The following NEB variants were observed in gnomAD, a reference collection of about 807,000 sequenced individuals.
NEB encodes the protein nebulin.
A neutral mutation model predicts 952.2 loss-of-function variants in NEB; 512 were observed. That is an observed-to-expected ratio of 0.54 (90% CI 0.50 to 0.58). The LOEUF (loss-of-function observed/expected upper bound fraction) is 0.58, where lower values mean the gene tolerates loss of function less well. NEB is among the 20% of genes least tolerant of loss of function. The pLI, the probability that NEB is intolerant of heterozygous loss-of-function variation, is 0.00. For synonymous variants in NEB, 2,900 were observed against 3,149.8 expected (o/e 0.92, Z 2.66); for missense variants, 8,428 against 9,231.1 (o/e 0.91, Z 3.56).
intron 159 of NEB, 96 bp from the exon 160 acceptor site, chr2:151,513,789 C>T: frequency 1.2e-6 from 1 of 824,540 alleles, no homozygotes; most frequent in Non-Finnish European, 2.0e-6. Flanking sequence ...ACACGCCACC[C>T]CAGTTGTCAC....
intron 161 of NEB, among the ~76,000 whole-genome samples, chr2:151,508,503 G>A (rs940176246): frequency 6.6e-6 from 1 of 152,214 alleles, no homozygotes; most frequent in African/African-American, 2.4e-5. Context: ...ACAGGCAGGC[G>A]GAGAGAAGCT....
chr2:151,627,383 AG>A (rs1290631978), intron 69 of NEB, 139 bp downstream of exon 69: 2 of 1,430,508 alleles, frequency 1.4e-6, no homozygotes, highest in African/African-American at 2.9e-5. Flanking sequence ...AAAAAAAGTA[AG>A]GGGAAGAGTT....
At chr2:151,710,341 G>A in intron 11 of NEB, 93 bp downstream of exon 11, 1 of 741,150 alleles carries the variant, frequency 1.3e-6, no homozygotes, top group Non-Finnish European at 2.2e-6. Context: ...CAAGTGTTCT[G>A]GCACCCATTC....
rs142074817 is a variant in NEB, at chr2:151,666,141, G to C, written c.4980C>G (p.Pro1660=). 20 of 1,613,724 alleles carry C rather than the reference G, an allele frequency of 1.2e-5. No homozygotes were observed. The East Asian group carries it at 3.1e-4, about 25-fold the overall frequency. Residue 1660 remains proline (P), a synonymous_variant, in exon 41 of 182, where the codon CCC becomes CCG. Transcript: ENST00000397345. ...RQSYHHYTLL[P]DALNVEHSRN... Reference sequence around the variant, plus strand: ...TGGAGTGCTCCACATTCAAGGCATCGGGCAGGAGAGTGTAGTGGTGGTATG... The same window carrying C: ...TGGAGTGCTCCACATTCAAGGCATCCGGCAGGAGAGTGTAGTGGTGGTATG...
At position 151,629,594 on chromosome 2, in the gene NEB, C is replaced by T. The variant is rs200930670; in HGVS notation, c.9776G>A (p.Arg3259Gln). The T allele has an allele frequency of 3.2e-5, 52 of 1,613,742 alleles. 1 individual carries two copies. In the African/African-American group the frequency reaches 4.4e-4, roughly 14 times the overall value. The change falls in exon 68 of 182, where the codon CGA (arginine) becomes CAA (glutamine). Residue 3259 changes from arginine to glutamine, a missense_variant. Arg to Gln is a conservative substitution (Grantham distance 43, BLOSUM62 1). Coordinates refer to ENST00000397345, the MANE Select transcript of NEB (RefSeq NM_001164508.2). Reference sequence around the variant, plus strand: ...AGCCACGATGGGGATGGCGTCACTTCGCAAGTCGTAGCCTTTCTTTTTTGC... The same window carrying T: ...AGCCACGATGGGGATGGCGTCACTTTGCAAGTCGTAGCCTTTCTTTTTTGC... ...EEAKKKGYDL[R>Q]SDAIPIVAAK...
chr2:151,672,541 T>C lies in NEB; in HGVS notation c.4127A>G (p.Asn1376Ser), dbSNP rs1309733626. The change falls in exon 37 of 182, where the codon AAC becomes AGC. Residue 1376 changes from asparagine to serine, a missense_variant. Transcript: ENST00000397345. ...AGGGGTATGGTAGCTGGTTTTGGTG[T>C]TCTCATAGTTCTTCTTGTATTCACG... ...SDREYKKNYENTKTSYHTPGD... is the reference protein window; with the variant it reads ...SDREYKKNYESTKTSYHTPGD... 14 of 1,613,866 alleles carry C rather than the reference T, an allele frequency of 8.7e-6. No individual in the cohort carries two copies. Among genetic ancestry groups the C allele is most frequent in the Non-Finnish European group, 1.2e-5 (14 of 1,179,876 alleles).
chr2:151,570,045 G>A (rs1670419324), intron 109 of NEB, 36 bp downstream of exon 109: 4 of 1,564,944 alleles, frequency 2.6e-6, no homozygotes, highest in South Asian at 1.2e-5. Context: ...ATGGCAAACT[G>A]AGAAAAGAGT....
In NEB at chr2:151,665,220, G is replaced by A. The variant is rs115606881; in HGVS notation, c.5238+113C>T. The stretch of plus-strand genomic sequence containing the variant: ...GCAATAGAGTCCCCCTCCCACCACC[G>A]GCACGAAGACGATCAGAAAGAAACA... On this transcript the variant is annotated intron_variant, in intron 42 of 181. Transcript: ENST00000397345. The A allele has an allele frequency of 7.0e-3, 6,878 of 988,060 alleles. 31 individuals carry two copies. The highest frequency in any genetic ancestry group is 8.8e-3 in the Non-Finnish European group (5,818 of 661,654). The allele number at this position is 988,060 out of a possible 1,614,324, so 61.2% of individuals were successfully genotyped here. A position where few individuals can be genotyped will look rare whatever the true frequency, so the allele number is the denominator to read the frequency against.
At chr2:151,561,184 G>A in intron 122 of NEB, 24 bp downstream of exon 122, 2 of 1,585,906 alleles carry the variant, frequency 1.3e-6, no homozygotes, top group Middle Eastern at 1.7e-4. Flanking sequence ...TTTGTCCCTG[G>A]AAGAGGAGTA....
chr2:151,548,537 T>C (rs762642160), intron 130 of NEB, 122 bp from the exon 131 acceptor site: 46 of 659,838 alleles, frequency 7.0e-5, no homozygotes, highest in Non-Finnish European at 1.0e-4. Context: ...GGATTAAGTA[T>C]GTAGAAAAGT....
intron 181 of NEB, among the ~76,000 whole-genome samples, chr2:151,488,349 A>G (rs573487443): frequency 3.8e-4 from 58 of 151,934 alleles, no homozygotes; most frequent in Non-Finnish European, 7.5e-4. Context: ...TCCCCTTTAT[A>G]TTTTAAAATA....
chr2:151,524,723 G>A, intron 151 of NEB, 107 bp from the exon 152 acceptor site: 1 of 882,098 alleles, frequency 1.1e-6, no homozygotes, highest in Non-Finnish European at 1.7e-6. Context: ...CTTGAGTGCA[G>A]TGGTACAATC....
intron 48 of NEB, 112 bp downstream of exon 48, chr2:151,657,871 G>A: frequency 1.3e-6 from 1 of 765,764 alleles, no homozygotes; most frequent in Non-Finnish European, 2.2e-6. Flanking sequence ...TTCACAGAGA[G>A]TGAGACCCAC....
chr2:151,637,616 C>G (rs577322365), intron 63 of NEB, among the ~76,000 whole-genome samples: 1 of 152,120 alleles, frequency 6.6e-6, no homozygotes, highest in African/African-American at 2.4e-5. Flanking sequence ...GACTGGCAGC[C>G]GAGTAGCCGC....
At chr2:151,675,985 C>A (rs2099356501) in intron 34 of NEB, among the ~76,000 whole-genome samples, 1 of 152,150 alleles carries the variant, frequency 6.6e-6, no homozygotes, top group Non-Finnish European at 1.5e-5. Flanking sequence ...ATGCAGAAAT[C>A]TTACTGCATC....
chr2:151,566,168 T>C (rs185718626), intron 114 of NEB, among the ~76,000 whole-genome samples: 83 of 152,164 alleles, frequency 5.5e-4, no homozygotes, highest in Admixed American at 1.1e-3. Flanking sequence ...ACCAAGGAGG[T>C]TGTACTTTTA....
chr2:151,626,462 A>C (rs1270001220), intron 70 of NEB, among the ~76,000 whole-genome samples: 1 of 151,878 alleles, frequency 6.6e-6, no homozygotes, highest in African/African-American at 2.4e-5. Context: ...AGTACTCAGC[A>C]AGAAAGAAAC....
chr2:151,655,989 T>C lies in NEB; in HGVS notation c.6530A>G (p.Lys2177Arg), dbSNP rs768844040. ...ACCTGCTGGACTCCAGCCAAGCCCT[T>C]TGTACCATTCATTGTAATCTTGCTT... is the stretch of plus-strand genomic sequence containing the variant. ...EYKQDYNEWY[K>R]GLGWSPAGSL... The change falls in exon 50 of 182, where the codon AAA becomes AGA. Residue 2177 changes from lysine to arginine, a missense_variant. By Grantham distance (26) the Lys-to-Arg change is conservative. This residue lies in a region of NEB where 2,851 missense variants were observed against 2,791.5 expected (regional missense o/e 1.02). Transcript: ENST00000397345. 2.5e-6 allele frequency: 4 copies of C among 1,613,732 alleles called. No homozygotes were observed. The highest frequency in any genetic ancestry group is 8.5e-7 in the Non-Finnish European group (1 of 1,179,740).
chr2:151,521,826 C>G lies in NEB; in HGVS notation c.22480-2058G>C, dbSNP rs565342176. ...TCTAAACAAATGCAGCTTTTTACAA[C>G]TACTAATATGAATCTGAGTTCAGCA... is the stretch of plus-strand genomic sequence containing the variant. On this transcript the variant is annotated intron_variant, in intron 153 of 181. Transcript: ENST00000397345. Among the ~76,000 whole-genome samples, 3 of 152,300 alleles carry G rather than the reference C, an allele frequency of 2.0e-5. No individual in the cohort carries two copies. In the East Asian group the frequency reaches 5.8e-4, roughly 29 times the overall value.
Sources: allele counts gnomAD v4.1 joint callset (sites outside exome capture counted in the v4.1 genomes callset), GRCh38; gene constraint gnomAD v4.1.1; regional missense constraint gnomAD v4.1.1; transcripts MANE v1.5; gene names NCBI Gene and HGNC (gene_info 2026-07-23, HGNC 2026-07-21).